RAPGEF1: variants seen among roughly 807,000 people sequenced by gnomAD.
RAPGEF1 encodes Rap guanine nucleotide exchange factor 1.
RAPGEF1 carries 33 observed loss-of-function variants against 143.3 expected under a neutral mutation model. The ratio of observed to expected loss-of-function variants is 0.23; its 90% CI spans 0.17 to 0.31. The LOEUF (loss-of-function observed/expected upper bound fraction) is 0.31. RAPGEF1 is among the 10% of genes least tolerant of loss of function. The pLI is 1.00. For synonymous variants in RAPGEF1, 629 were observed against 676.5 expected (o/e 0.93, Z 1.09); for missense variants, 1,199 against 1,645.4 (o/e 0.73, Z 4.69).
chr9:131,589,867 C>G lies in RAPGEF1; in HGVS notation c.2867+19G>C. On this transcript the variant is annotated intron_variant, in intron 19 of 26. Transcript: ENST00000683357. The stretch of plus-strand genomic sequence containing the variant: ...TGCCTCCCCACTGGCCCCCAGGACC[C>G]CAAGGGTGAAGCACTCACCAGAGCT... 6.2e-7 allele frequency: 1 copy of G among 1,609,872 alleles called. No individual in the cohort carries two copies. Among genetic ancestry groups the G allele is most frequent in the Non-Finnish European group, 8.5e-7 (1 of 1,176,258 alleles).
Position 131,588,589 on chromosome 9 carries a change from C to T in RAPGEF1, c.3053+212G>A, listed in dbSNP as rs146703232. Among the ~76,000 whole-genome samples the T allele has an allele frequency of 1.8e-4, 28 of 152,336 alleles. No homozygotes were observed. In the East Asian group the frequency reaches 4.1e-3, roughly 22 times the overall value. On this transcript the variant is annotated intron_variant, in intron 20 of 26. Transcript: ENST00000683357. ...CTATGAAGCCCCATGCCCTGCTGCCCGCTTCCTGGTCACAAAGGGATCACC... is the reference window on the plus strand; with the variant it reads ...CTATGAAGCCCCATGCCCTGCTGCCTGCTTCCTGGTCACAAAGGGATCACC...
intron 1 of RAPGEF1, chr9:131,737,664 T>A: frequency 7.7e-7 from 1 of 1,296,112 alleles, no homozygotes; most frequent in Non-Finnish European, 1.0e-6. Flanking sequence ...GGCAACTTTT[T>A]CCTTTTTTTA....
rs549945077 is a variant in RAPGEF1, at chr9:131,625,466, A to G, written c.1702+456T>C. ...ACCCCAGCTTCCAAGTCATTCTGGGAGCATGAACAGAGACAGTGTGCTCTA... is the reference window on the plus strand; with the variant it reads ...ACCCCAGCTTCCAAGTCATTCTGGGGGCATGAACAGAGACAGTGTGCTCTA... On this transcript the variant is annotated intron_variant, in intron 10 of 26. Transcript: ENST00000683357. 2.6e-5 allele frequency among the ~76,000 whole-genome samples: 4 copies of G among 152,268 alleles called. No individual in the cohort carries two copies. The South Asian group carries it at 8.3e-4, about 32-fold the overall frequency.
At chr9:131,617,039 G>C (rs1959114416) in intron 12 of RAPGEF1, among the ~76,000 whole-genome samples, 1 of 152,158 alleles carries the variant, frequency 6.6e-6, no homozygotes, top group Non-Finnish European at 1.5e-5. Context: ...TAAGGCTCTT[G>C]TATGTCCCAG....
At chr9:131,601,253 G>A (rs1043554675) in intron 15 of RAPGEF1, among the ~76,000 whole-genome samples, 1 of 151,762 alleles carries the variant, frequency 6.6e-6, no homozygotes, top group Non-Finnish European at 1.5e-5. Context: ...CCTGATCTTG[G>A]CTGCAAAAAA....
At chr9:131,705,246 C>T (rs1190726915) in intron 1 of RAPGEF1, among the ~76,000 whole-genome samples, 1 of 152,172 alleles carries the variant, frequency 6.6e-6, no homozygotes, top group African/African-American at 2.4e-5. Context: ...GAAACTGCAG[C>T]CAGGGAGCAC....
At position 131,697,751 on chromosome 9, in the gene RAPGEF1, T is replaced by C. The variant is rs181468155; in HGVS notation, c.61+42019A>G. On this transcript the variant is annotated intron_variant, in intron 1 of 26. Transcript: ENST00000683357. ...CAGTGTCAGAGACAAAGTTCACTGA[T>C]GCTAATTCAAATTTTCCCACATTTT... Among the ~76,000 whole-genome samples the C allele has an allele frequency of 2.0e-5, 3 of 152,342 alleles. No individual in the cohort carries two copies. The East Asian group carries it at 5.8e-4, about 29-fold the overall frequency.
At chr9:131,669,338 G>A (rs1830972290) in intron 1 of RAPGEF1, among the ~76,000 whole-genome samples, 1 of 152,176 alleles carries the variant, frequency 6.6e-6, no homozygotes, top group Non-Finnish European at 1.5e-5. Context: ...TGCAGAAGGA[G>A]CTCATGGGCA....
intron 1 of RAPGEF1, among the ~76,000 whole-genome samples, chr9:131,735,085 C>G (rs932074427): frequency 7.9e-5 from 12 of 152,170 alleles, no homozygotes; most frequent in African/African-American, 2.9e-4. Flanking sequence ...TAACTTATGG[C>G]CAGCCCAGTT....
intron 1 of RAPGEF1, among the ~76,000 whole-genome samples, chr9:131,654,122 C>A (rs896696691): frequency 3.9e-5 from 6 of 152,038 alleles, no homozygotes; most frequent in East Asian, 3.9e-4. Flanking sequence ...TAAGACTGGA[C>A]GGGGCAGAGA....
intron 1 of RAPGEF1, among the ~76,000 whole-genome samples, chr9:131,712,666 TG>T (rs925939394): frequency 1.3e-5 from 2 of 152,206 alleles, no homozygotes; most frequent in Admixed American, 1.3e-4. Context: ...GTTTCTCAGC[TG>T]GGGGCCAACA....
At chr9:131,599,982 G>A (rs552307535) in intron 15 of RAPGEF1, among the ~76,000 whole-genome samples, 2 of 152,302 alleles carry the variant, frequency 1.3e-5, no homozygotes, top group Non-Finnish European at 2.9e-5. Context: ...GCTGGGCGTG[G>A]TGGCGCTTGC....
rs192813946 is a variant in RAPGEF1 at position 131,734,676 on chromosome 9, C to A, written c.61+5094G>T. ...AAAATTGATCGAAATACAATGACTG[C>A]CAATCTAAGAGGACCTCTTTCTCAG... On this transcript the variant is annotated intron_variant, in intron 1 of 26. Transcript: ENST00000683357. Among the ~76,000 whole-genome samples, 131 of 152,268 alleles carry A rather than the reference C, an allele frequency of 8.6e-4. 1 individual carries two copies. Among genetic ancestry groups the A allele is most frequent in the African/African-American group, 3.1e-3 (128 of 41,538 alleles).
In RAPGEF1 at chr9:131,617,186, G is replaced by C. The variant is rs530189701; in HGVS notation, c.2061+1865C>G. Among the ~76,000 whole-genome samples the C allele has an allele frequency of 4.4e-4, 67 of 152,336 alleles. 1 individual carries two copies. The South Asian group carries it at 0.012, about 28-fold the overall frequency. ...AGGGATATTGTGGAAACTCTAAGGGGAAAGAAAACAAAAACAAAAATCTAG... is the reference window on the plus strand; with the variant it reads ...AGGGATATTGTGGAAACTCTAAGGGCAAAGAAAACAAAAACAAAAATCTAG... On this transcript the variant is annotated intron_variant, in intron 12 of 26. Coordinates refer to ENST00000683357, the MANE Select transcript of RAPGEF1 (RefSeq NM_001377935.1).
intron 1 of RAPGEF1, among the ~76,000 whole-genome samples, chr9:131,677,834 A>G (rs952439049): frequency 6.6e-6 from 1 of 152,222 alleles, no homozygotes; most frequent in Admixed American, 6.5e-5. Context: ...GCTCGGCCTT[A>G]ACACGAGTCT....
chr9:131,580,509 C>T, intron 25 of RAPGEF1, 118 bp from the exon 26 acceptor site: 1 of 1,236,848 alleles, frequency 8.1e-7, no homozygotes, highest in Non-Finnish European at 1.1e-6. Context: ...CAGAGCAAAC[C>T]AAAGAGCCAG....
chr9:131,582,975 G>A (rs919756571), intron 24 of RAPGEF1, among the ~76,000 whole-genome samples: 4 of 152,200 alleles, frequency 2.6e-5, no homozygotes, highest in Non-Finnish European at 5.9e-5. Flanking sequence ...CATTGTGCCT[G>A]GGCAGCCAGC....
chr9:131,720,151 G>A (rs1045902210), intron 1 of RAPGEF1, among the ~76,000 whole-genome samples: 2 of 152,158 alleles, frequency 1.3e-5, no homozygotes, highest in African/African-American at 2.4e-5. Flanking sequence ...CTCCCAAAGT[G>A]CTGGGATTAC....
rs977702128 is a variant in RAPGEF1, at chr9:131,621,497, G to A, written c.1905+299C>T. On this transcript the variant is annotated intron_variant, in intron 11 of 26. Transcript: ENST00000683357. The surrounding 1 kb of genome is among the most constrained non-coding windows in gnomAD (Gnocchi z 4.5). ...AAGAAAGAAAAAAATACAAGAGACT[G>A]TCAGCAGAGAGAGCAAACACCCTGA... Among the ~76,000 whole-genome samples, 11 of 152,214 alleles carry A rather than the reference G, an allele frequency of 7.2e-5. No individual in the cohort carries two copies. The highest frequency in any genetic ancestry group is 1.3e-4 in the Non-Finnish European group (9 of 68,038).
Sources: gnomAD v4.1 joint callset for allele counts (sites outside exome capture counted in the v4.1 genomes callset) on GRCh38, gnomAD v4.1.1 for gene constraint, Gnocchi (gnomAD v3.1) non-coding constraint, MANE v1.5 for transcripts, NCBI Gene and HGNC (gene_info 2026-07-23, HGNC 2026-07-21) for gene names.